Variants in TPD52 observed in about 807,000 individuals in gnomAD.
TPD52 encodes prostate and colon associated protein.
Under a neutral mutation model 31.3 loss-of-function variants are expected in TPD52, and 17 were observed. That is an observed-to-expected ratio of 0.54 (90% CI 0.37 to 0.82). TPD52 has a LOEUF of 0.82. Ranked by LOEUF, TPD52 falls within the 40% of genes least tolerant of loss-of-function variation. The pLI is 0.00. For missense variants in TPD52, 212 were observed against 240.1 expected (o/e 0.88, Z 0.77); for synonymous variants, 83 against 89.6 (o/e 0.93, Z 0.42).
Position 80,157,579 on chromosome 8 carries a change from TAAC to T in TPD52, c.19+13843_19+13845del, listed in dbSNP as rs1200445275. On this transcript the variant is annotated intron_variant, in intron 1 of 7. Coordinates refer to ENST00000518937, the MANE Select transcript of TPD52 (RefSeq NM_001025253.3). Reference sequence around the variant, plus strand: ...TCAAAAAAACCCGAGCGAGAATAGTTAACAAATCTAGAAGCTGCACAAATCAGT... The same window carrying T: ...TCAAAAAAACCCGAGCGAGAATAGTTAAATCTAGAAGCTGCACAAATCAGT... Among the ~76,000 whole-genome samples, 6 of 152,256 alleles carry T rather than the reference TAAC, an allele frequency of 3.9e-5. No homozygotes were observed. The East Asian group carries it at 9.6e-4, about 24-fold the overall frequency.
At chr8:80,108,598 C>T (rs1205583921) in intron 1 of TPD52, among the ~76,000 whole-genome samples, 1 of 152,146 alleles carries the variant, frequency 6.6e-6, no homozygotes, top group Non-Finnish European at 1.5e-5. Context: ...CTGACAAGTA[C>T]TCTGGATATA....
chr8:80,145,449 A>G (rs917460766), intron 1 of TPD52, among the ~76,000 whole-genome samples: 1 of 152,254 alleles, frequency 6.6e-6, no homozygotes, highest in Non-Finnish European at 1.5e-5. Context: ...ACTATGAAGG[A>G]GCAGCCGAAA....
chr8:80,153,278 A>G (rs1810708640), intron 1 of TPD52, among the ~76,000 whole-genome samples: 1 of 152,240 alleles, frequency 6.6e-6, no homozygotes, highest in South Asian at 2.1e-4. Flanking sequence ...ATGGCACCAC[A>G]GGTGCTTCCA....
At chr8:80,082,736 G>A (rs368533908) in intron 1 of TPD52, among the ~76,000 whole-genome samples, 68 of 152,344 alleles carry the variant, frequency 4.5e-4, no homozygotes, top group African/African-American at 1.5e-3. Context: ...ACAGGCGCCT[G>A]TGCCTATCCA....
chr8:80,150,744 C>T (rs1167238217), intron 1 of TPD52, among the ~76,000 whole-genome samples: 1 of 152,182 alleles, frequency 6.6e-6, no homozygotes, highest in Non-Finnish European at 1.5e-5. Context: ...TTTGGAATGG[C>T]TGTATTTACC....
At chr8:80,048,437 GAACA>G (rs1341295850) in intron 5 of TPD52, among the ~76,000 whole-genome samples, 1 of 152,192 alleles carries the variant, frequency 6.6e-6, no homozygotes, top group Non-Finnish European at 1.5e-5. Flanking sequence ...AATGGACCTA[GAACA>G]AACAGTGAGT....
At chr8:80,128,744 G>A (rs1808812170) in intron 1 of TPD52, among the ~76,000 whole-genome samples, 1 of 151,464 alleles carries the variant, frequency 6.6e-6, no homozygotes, top group South Asian at 2.1e-4. Flanking sequence ...TACTAATACT[G>A]GTAATATTAG....
chr8:80,092,632 T>A (rs1395626921), intron 1 of TPD52, among the ~76,000 whole-genome samples: 4 of 152,200 alleles, frequency 2.6e-5, no homozygotes, highest in Non-Finnish European at 5.9e-5. Context: ...TGGGTGGAAC[T>A]AGAGGTCATT....
chr8:80,108,209 G>A (rs1807264021), intron 1 of TPD52, among the ~76,000 whole-genome samples: 1 of 152,086 alleles, frequency 6.6e-6, no homozygotes, highest in African/African-American at 2.4e-5. Context: ...TTTTGGAGTG[G>A]CATTTCCTGA....
intron 1 of TPD52, among the ~76,000 whole-genome samples, chr8:80,164,022 G>A (rs1175796539): frequency 7.8e-6 from 1 of 128,550 alleles, no homozygotes; most frequent in East Asian, 2.2e-4. Flanking sequence ...GTGAGAGAGA[G>A]ACAGAGAGAG....
At chr8:80,160,889 C>CAAAAAAAAACAAAAAAAAAAAAAAAAAA (rs1811308208) in intron 1 of TPD52, among the ~76,000 whole-genome samples, 1 of 95,096 alleles carries the variant, frequency 1.1e-5, no homozygotes, top group African/African-American at 4.3e-5. Flanking sequence ...ACTAAAAATA[C>CAAAAAAAAACAAAAAAAAAAAAAAAAAA]AAAAAAAAAA....
chr8:80,163,326 A>G (rs1811485687), intron 1 of TPD52, among the ~76,000 whole-genome samples: 1 of 152,240 alleles, frequency 6.6e-6, no homozygotes, highest in Non-Finnish European at 1.5e-5. Flanking sequence ...CTACACACGC[A>G]TGAGCCCCGA....
rs7824182 is a variant in TPD52, at chr8:80,061,689, A to T, written c.135+2789T>A. On this transcript the variant is annotated intron_variant, in intron 2 of 7. Coordinates refer to ENST00000518937, the MANE Select transcript of TPD52 (RefSeq NM_001025253.3). Reference sequence around the variant, plus strand: ...ACAGAGCAATACCTGTCTCAAAAAAATTTTTTTAAATATATTTGAGCTCAT... The same window carrying T: ...ACAGAGCAATACCTGTCTCAAAAAATTTTTTTTAAATATATTTGAGCTCAT... Among the ~76,000 whole-genome samples the T allele has an allele frequency of 6.6e-3, 999 of 152,216 alleles. 6 individuals carry two copies. Among genetic ancestry groups the T allele is most frequent in the African/African-American group, 0.022 (916 of 41,534 alleles).
chr8:80,171,334 C>A, intron 1 of TPD52, 91 bp downstream of exon 1: 1 of 1,542,478 alleles, frequency 6.5e-7, no homozygotes, highest in Non-Finnish European at 8.8e-7. Flanking sequence ...GCTCGAGCCG[C>A]CGGGCCGCGC....
chr8:80,053,812 C>T (rs942025744), intron 2 of TPD52, among the ~76,000 whole-genome samples: 1 of 152,218 alleles, frequency 6.6e-6, no homozygotes, highest in South Asian at 2.1e-4. Context: ...CTAGACATTT[C>T]TATCTGAATG....
rs189362015 is a variant in TPD52, at chr8:80,081,531, A to G, written c.20-16938T>C. ...AATGATCTGTTACTGCATAACAAAA[A>G]AAAAGGCAGTGTTCTAATCTAATCT... On this transcript the variant is annotated intron_variant, in intron 1 of 7. Coordinates refer to ENST00000518937, the MANE Select transcript of TPD52 (RefSeq NM_001025253.3). 3.1e-3 allele frequency among the ~76,000 whole-genome samples: 473 copies of G among 152,304 alleles called. 2 individuals are homozygous for G. Among genetic ancestry groups the G allele is most frequent in the African/African-American group, 0.011 (438 of 41,564 alleles).
chr8:80,072,752 TACATATATACACACACACATATATATAC>T (rs1814043855), intron 1 of TPD52, among the ~76,000 whole-genome samples: 1 of 149,990 alleles, frequency 6.7e-6, no homozygotes, highest in Non-Finnish European at 1.5e-5. Flanking sequence ...CACACATATA[TACATATATACACACACACATATATATAC>T]ACATACACAC....
chr8:80,053,135 A>T (rs1811534943), intron 3 of TPD52, 147 bp downstream of exon 3: 1 of 832,114 alleles, frequency 1.2e-6, no homozygotes, highest in Admixed American at 3.0e-5. Context: ...AGGCAGGCAC[A>T]CTTGAAAATC....
At chr8:80,040,185 CTTTTTTTTTTTTTTTT>C (rs34611433) in intron 7 of TPD52, among the ~76,000 whole-genome samples, 1 of 95,686 alleles carries the variant, frequency 1.0e-5, no homozygotes, top group African/African-American at 4.9e-5. Flanking sequence ...ATACGCTATC[CTTTTTTTTTTTTTTTT>C]TTTTTTTTTT....
Sources: allele counts gnomAD v4.1 joint callset (sites outside exome capture counted in the v4.1 genomes callset), GRCh38; gene constraint gnomAD v4.1.1; transcripts MANE v1.5; gene names NCBI Gene and HGNC (gene_info 2026-07-23, HGNC 2026-07-21).